The following OPCML variants were observed in gnomAD, a reference collection of about 807,000 sequenced individuals.
OPCML encodes opioid-binding protein/cell adhesion molecule.
A neutral mutation model predicts 37.8 loss-of-function variants in OPCML; 13 were observed. That is an observed-to-expected ratio of 0.34 (90% CI 0.22 to 0.55). The LOEUF (loss-of-function observed/expected upper bound fraction) is 0.55. Ranked by LOEUF, OPCML falls within the 20% of genes least tolerant of loss-of-function variation. The pLI, the probability that OPCML is intolerant of heterozygous loss-of-function variation, is 0.91. For synonymous variants in OPCML, 176 were observed against 168.8 expected (o/e 1.04, Z -0.33); for missense variants, 341 against 435.6 (o/e 0.78, Z 1.93).
intron 2 of OPCML, among the ~76,000 whole-genome samples, chr11:132,742,458 A>G (rs1185051815): frequency 1.3e-5 from 2 of 152,192 alleles, no homozygotes; most frequent in Non-Finnish European, 2.9e-5. Flanking sequence ...CAAGCCAGGA[A>G]GTGGCTCTTC....
At chr11:132,920,693 C>A (rs1354530006) in intron 2 of OPCML, among the ~76,000 whole-genome samples, 2 of 152,174 alleles carry the variant, frequency 1.3e-5, no homozygotes, top group African/African-American at 2.4e-5. Flanking sequence ...GCCAAAATAC[C>A]ACCATTAATC....
At chr11:132,824,428 C>T (rs141365524) in intron 2 of OPCML, among the ~76,000 whole-genome samples, 2,467 of 152,312 alleles carry the variant, frequency 0.016, 27 homozygotes, top group Middle Eastern at 0.031. Context: ...CCTCAGTTCT[C>T]GCTTGGACAC....
intron 1 of OPCML, chr11:133,065,236 T>C (rs1478824476): frequency 6.6e-6 from 1 of 152,412 alleles, no homozygotes; most frequent in Admixed American, 6.6e-5. Context: ...GGGGGCAGGA[T>C]CAGCCCTGGA....
chr11:132,476,505 C>T (rs550579547), intron 4 of OPCML, among the ~76,000 whole-genome samples: 17 of 152,066 alleles, frequency 1.1e-4, no homozygotes, highest in South Asian at 4.2e-4. Flanking sequence ...GAATACTATG[C>T]GGCCATAAAA....
chr11:132,671,516 A>T (rs1050917491), intron 2 of OPCML, among the ~76,000 whole-genome samples: 1 of 152,176 alleles, frequency 6.6e-6, no homozygotes, highest in African/African-American at 2.4e-5. Flanking sequence ...GGGTATTCTT[A>T]GCTGCTGAGA....
At chr11:132,567,843 G>C (rs1451212016) in intron 3 of OPCML, among the ~76,000 whole-genome samples, 1 of 152,230 alleles carries the variant, frequency 6.6e-6, no homozygotes, top group East Asian at 1.9e-4. Flanking sequence ...GGTAACTAAG[G>C]CTCTAGGAGT....
chr11:132,663,244 CTAG>C (rs1257488447), intron 2 of OPCML, among the ~76,000 whole-genome samples: 6 of 152,168 alleles, frequency 3.9e-5, no homozygotes, highest in Admixed American at 3.9e-4. Flanking sequence ...TACCCAGGAG[CTAG>C]TAGGTCATCA....
intron 1 of OPCML, among the ~76,000 whole-genome samples, chr11:133,055,931 A>T (rs1283342262): frequency 7.3e-5 from 11 of 149,660 alleles, no homozygotes; most frequent in Admixed American, 7.3e-4. Context: ...TGCCTCCATG[A>T]TACTTCCAAG....
At chr11:133,372,615 G>A (rs1213817545) in intron 1 of OPCML, among the ~76,000 whole-genome samples, 1 of 152,108 alleles carries the variant, frequency 6.6e-6, no homozygotes, top group Non-Finnish European at 1.5e-5. Flanking sequence ...ATTTTCACAG[G>A]ACTAAGCAAG....
chr11:133,075,606 C>T (rs1235264195), intron 1 of OPCML, among the ~76,000 whole-genome samples: 1 of 152,172 alleles, frequency 6.6e-6, no homozygotes, highest in Non-Finnish European at 1.5e-5. Context: ...CGCCTGGCCC[C>T]CCAAGAAAAG....
Position 132,990,063 on chromosome 11 carries a change from G to T in OPCML, c.62-47053C>A, listed in dbSNP as rs567672951. On this transcript the variant is annotated intron_variant, in intron 1 of 7. Coordinates refer to ENST00000524381, the MANE Select transcript of OPCML (RefSeq NM_001012393.5). ...CAGGCAGAGGAGCATGCCACCCTGC[G>T]TAGGAACATAGGAGCTAGTGGAGAG... 2.6e-5 allele frequency among the ~76,000 whole-genome samples: 4 copies of T among 152,290 alleles called. No homozygotes were observed. In the South Asian group the frequency reaches 8.3e-4, roughly 32 times the overall value.
At chr11:132,898,741 T>C (rs925132686) in intron 2 of OPCML, among the ~76,000 whole-genome samples, 1 of 152,136 alleles carries the variant, frequency 6.6e-6, no homozygotes. Flanking sequence ...TTTCCCATGA[T>C]TTTATGCTCT....
intron 1 of OPCML, among the ~76,000 whole-genome samples, chr11:133,037,302 T>C (rs1448943607): frequency 6.6e-6 from 1 of 152,140 alleles, no homozygotes; most frequent in Non-Finnish European, 1.5e-5. Context: ...AAACCAAAGA[T>C]TAGATTCAAT....
chr11:133,456,852 A>C (rs1039940690), intron 1 of OPCML, among the ~76,000 whole-genome samples: 6 of 152,202 alleles, frequency 3.9e-5, no homozygotes, highest in African/African-American at 1.4e-4. Context: ...AGCAAAAGGA[A>C]AAACTATTAA....
intron 1 of OPCML, among the ~76,000 whole-genome samples, chr11:133,401,873 C>G (rs1945411822): frequency 6.6e-6 from 1 of 152,154 alleles, no homozygotes; most frequent in Admixed American, 6.5e-5. Flanking sequence ...TCTGGGAAGT[C>G]CACTGAAGCT....
intron 1 of OPCML, among the ~76,000 whole-genome samples, chr11:133,083,489 C>G (rs505525): frequency 0.45 from 69,134 of 152,186 alleles, 18,432 homozygotes; most frequent in Non-Finnish European, 0.58. Context: ...GGCAGGGCCC[C>G]GGAAGGCTCG....
rs565742970 is a variant in OPCML at position 132,554,971 on chromosome 11, G to A, written c.380-25785C>T. 4.0e-4 allele frequency among the ~76,000 whole-genome samples: 53 copies of A among 131,746 alleles called. No homozygotes were observed. In the South Asian group the frequency reaches 8.6e-3, roughly 21 times the overall value. 86.4% of individuals were successfully genotyped at this position (131,746 alleles called of 152,430 possible). On this transcript the variant is annotated intron_variant, in intron 3 of 7. Coordinates refer to ENST00000524381, the MANE Select transcript of OPCML (RefSeq NM_001012393.5). ...TTCTGTTTGGGGCATTTTCTCTGAT[G>A]AGAACACTATCCTAAAAAGTCCTTA...
chr11:133,351,794 T>A (rs1199620055), intron 1 of OPCML, among the ~76,000 whole-genome samples: 1 of 152,024 alleles, frequency 6.6e-6, no homozygotes, highest in African/African-American at 2.4e-5. Context: ...TACACATGAA[T>A]GGAATTTCAT....
chr11:133,431,937 A>C (rs1005826829), intron 1 of OPCML, among the ~76,000 whole-genome samples: 1 of 151,996 alleles, frequency 6.6e-6, no homozygotes, highest in Non-Finnish European at 1.5e-5. Context: ...ATATATCAAA[A>C]TACGTACGGT....
Sources: allele counts gnomAD v4.1 joint callset (sites outside exome capture counted in the v4.1 genomes callset), GRCh38; gene constraint gnomAD v4.1.1; transcripts MANE v1.5; gene names NCBI Gene and HGNC (gene_info 2026-07-23, HGNC 2026-07-21).